The following MTCL3 variants were observed in gnomAD, a reference collection of about 807,000 sequenced individuals.
The protein encoded by MTCL3 is microtubule cross-linking factor 3.
chr6:127,473,293 A>G, the MTCL3 span: 36 of 1,537,306 alleles, frequency 2.3e-5, no homozygotes, highest in East Asian at 7.5e-4. Context: ...ACAGTACAAA[A>G]AACAGTGTAA....
At chr6:127,516,046 G>GGCT in the MTCL3 span, 1 of 1,550,372 alleles carries the variant, frequency 6.5e-7, no homozygotes, top group East Asian at 2.4e-5. Flanking sequence ...GGGCGGCGGC[G>GGCT]GCTGCGGAGC....
the MTCL3 span, among the ~76,000 whole-genome samples, chr6:127,510,838 C>T: frequency 2.0e-5 from 3 of 152,168 alleles, no homozygotes; most frequent in Non-Finnish European, 4.4e-5. Flanking sequence ...TCCTTCTACC[C>T]TCCCTGTCAA....
At chr6:127,505,186 G>A in the MTCL3 span, among the ~76,000 whole-genome samples, 2 of 152,150 alleles carry the variant, frequency 1.3e-5, no homozygotes, top group African/African-American at 2.4e-5. Flanking sequence ...TTTCTACAGC[G>A]CTAACACAGG....
the MTCL3 span, among the ~76,000 whole-genome samples, chr6:127,504,482 C>T: frequency 1.3e-5 from 2 of 152,128 alleles, no homozygotes; most frequent in African/African-American, 4.8e-5. Flanking sequence ...AAGGCTGAGA[C>T]AGAAATAAGA....
At chr6:127,484,308 T>C in the MTCL3 span, among the ~76,000 whole-genome samples, 2 of 152,212 alleles carry the variant, frequency 1.3e-5, no homozygotes, top group Non-Finnish European at 2.9e-5. Context: ...AAACTGAAAC[T>C]ACACAGACAA....
chr6:127,478,125 G>A, the MTCL3 span, among the ~76,000 whole-genome samples: 5 of 152,182 alleles, frequency 3.3e-5, no homozygotes, highest in Admixed American at 1.3e-4. Context: ...GGAAAGCTTT[G>A]ATGGAAGATT....
the MTCL3 span, chr6:127,516,255 A>T: frequency 1.4e-6 from 2 of 1,460,452 alleles, no homozygotes; most frequent in Non-Finnish European, 9.0e-7. Flanking sequence ...CACCAGCCAC[A>T]GGCTGGACAG....
At chr6:127,487,689 G>A in the MTCL3 span, among the ~76,000 whole-genome samples, 1 of 152,152 alleles carries the variant, frequency 6.6e-6, no homozygotes. Context: ...AGGATCCCAA[G>A]CTTCATACTA....
chr6:127,516,715 CA>C, the MTCL3 span: 1 of 1,487,856 alleles, frequency 6.7e-7, no homozygotes, highest in Non-Finnish European at 8.9e-7. Context: ...GGGACAGAAA[CA>C]AAAGGAGAGA....
chr6:127,492,564 A>T, the MTCL3 span, among the ~76,000 whole-genome samples: 10 of 152,182 alleles, frequency 6.6e-5, no homozygotes, highest in Non-Finnish European at 5.9e-5. Context: ...CCTGTCGCCC[A>T]GGCTGGAGTG....
At chr6:127,503,888 C>T in the MTCL3 span, among the ~76,000 whole-genome samples, 4 of 152,012 alleles carry the variant, frequency 2.6e-5, no homozygotes, top group African/African-American at 9.7e-5. Flanking sequence ...CTGCAAAAAT[C>T]GGGCATGAAA....
chr6:127,514,874 C>A, the MTCL3 span: 4 of 1,614,092 alleles, frequency 2.5e-6, no homozygotes, highest in Admixed American at 3.3e-5. Flanking sequence ...TTTCCCCGGT[C>A]TGGGCGTAGC....
chr6:127,493,336 A>G, the MTCL3 span, among the ~76,000 whole-genome samples: 1 of 152,248 alleles, frequency 6.6e-6, no homozygotes, highest in African/African-American at 2.4e-5. Context: ...AGAAAAGAAT[A>G]GAGAAGGGAA....
the MTCL3 span, among the ~76,000 whole-genome samples, chr6:127,496,631 G>A: frequency 5.3e-5 from 8 of 152,164 alleles, no homozygotes; most frequent in African/African-American, 1.9e-4. Context: ...AATATTCCTA[G>A]CAGCATTGTT....
At chr6:127,491,506 T>C in the MTCL3 span, among the ~76,000 whole-genome samples, 7 of 152,224 alleles carry the variant, frequency 4.6e-5, no homozygotes, top group Non-Finnish European at 8.8e-5. Context: ...TATACTTTTT[T>C]TAGATACCAT....
At chr6:127,514,053 A>C in the MTCL3 span, among the ~76,000 whole-genome samples, 1 of 152,226 alleles carries the variant, frequency 6.6e-6, no homozygotes, top group Non-Finnish European at 1.5e-5. Context: ...ACGTATACTT[A>C]TTTGGTTGTG....
the MTCL3 span, among the ~76,000 whole-genome samples, chr6:127,479,804 C>A: frequency 6.6e-6 from 1 of 152,088 alleles, no homozygotes; most frequent in Non-Finnish European, 1.5e-5. Flanking sequence ...TCTGCAATGC[C>A]AAGAGTTTAC....
At chr6:127,501,954 G>A in the MTCL3 span, among the ~76,000 whole-genome samples, 1 of 152,106 alleles carries the variant, frequency 6.6e-6, no homozygotes, top group African/African-American at 2.4e-5. Context: ...CCAATATACA[G>A]TAAAATTGCA....
the MTCL3 span, chr6:127,516,186 G>A: frequency 2.2e-5 from 32 of 1,433,060 alleles, no homozygotes; most frequent in African/African-American, 3.0e-5. Flanking sequence ...GCGGCTCCTC[G>A]GGCGGTCCGG....
Sources: allele counts gnomAD v4.1 joint callset (sites outside exome capture counted in the v4.1 genomes callset), GRCh38; gene constraint gnomAD v4.1.1; transcripts MANE v1.5; gene names NCBI Gene and HGNC (gene_info 2026-07-23, HGNC 2026-07-21).